The following MEI1 variants were observed in gnomAD, a reference collection of about 807,000 sequenced individuals.
The protein encoded by MEI1 is meiotic double-stranded break formation protein 1.
Under a neutral mutation model 146.2 loss-of-function variants are expected in MEI1, and 103 were observed. The ratio of observed to expected loss-of-function variants is 0.70; its 90% CI spans 0.60 to 0.83. The LOEUF (loss-of-function observed/expected upper bound fraction) is 0.83. Among genes scored for constraint, MEI1 ranks in the 40% least tolerant of loss-of-function variants. The pLI is 0.00. For missense variants in MEI1, 1,529 were observed against 1,533.0 expected, an observed-to-expected ratio of 1.00 and a Z score of 0.04; for synonymous variants, 652 against 628.2, an observed-to-expected ratio of 1.04 and a Z score of -0.57.
chr22:41,733,810 T>C (rs2072077286), intron 11 of MEI1, among the ~76,000 whole-genome samples: 1 of 152,026 alleles, frequency 6.6e-6, no homozygotes, highest in Non-Finnish European at 1.5e-5. Context: ...TTAGGTATTA[T>C]ATGTAATCTA....
chr22:41,705,286 C>T (rs2069004123), intron 2 of MEI1, among the ~76,000 whole-genome samples: 1 of 151,750 alleles, frequency 6.6e-6, no homozygotes, highest in African/African-American at 2.4e-5. Context: ...ATTCTCCTGC[C>T]TCAGCCTCCT....
In MEI1 at chr22:41,703,401, A is replaced by C. The variant is rs766199040; in HGVS notation, c.245A>C (p.Gln82Pro). ...ALVRHTSLVT[Q>P]LVSQDQRVCI... ...GTGAGGCATACCTCCCTGGTCACGCAACTGGTGTCTCAGGATCAGAGAGTC... is the reference window on the plus strand; with the variant it reads ...GTGAGGCATACCTCCCTGGTCACGCCACTGGTGTCTCAGGATCAGAGAGTC... Residue 82 changes from glutamine (Q) to proline (P), a missense_variant, in exon 2 of 31, where the codon CAA becomes CCA. Gln to Pro is a moderately conservative substitution (Grantham distance 76, BLOSUM62 -1). Coordinates refer to ENST00000401548, the MANE Select transcript of MEI1 (RefSeq NM_152513.4). The C allele has an allele frequency of 8.7e-6, 14 of 1,609,968 alleles. No homozygotes were observed. Among genetic ancestry groups the C allele is most frequent in the Non-Finnish European group, 1.2e-5 (14 of 1,178,086 alleles).
At chr22:41,751,905 A>G (rs2073779561) in intron 15 of MEI1, among the ~76,000 whole-genome samples, 2 of 151,636 alleles carry the variant, frequency 1.3e-5, no homozygotes, top group South Asian at 4.2e-4. Context: ...CCCCATCTCT[A>G]CTAAAAATAC....
chr22:41,798,662 TTC>T (rs1172200067), intron 30 of MEI1, among the ~76,000 whole-genome samples: 1 of 149,038 alleles, frequency 6.7e-6, no homozygotes, highest in Non-Finnish European at 1.5e-5. Context: ...AGGTCAGGAG[TTC>T]TGAGACGAGC....
In MEI1 at chr22:41,795,545, G is replaced by A. The variant is rs2076330286; in HGVS notation, c.3666+3G>A. 6.2e-7 allele frequency: 1 copy of A among 1,613,800 alleles called. No individual in the cohort carries two copies. The highest frequency in any genetic ancestry group is 2.2e-5 in the East Asian group (1 of 44,844). On this transcript the variant is annotated splice_donor_region_variant and intron_variant, in intron 29 of 30. Coordinates refer to ENST00000401548, the MANE Select transcript of MEI1 (RefSeq NM_152513.4). The surrounding 1 kb of genome is among the most constrained non-coding windows in gnomAD (Gnocchi z 4.2). ...CCCTGCATGGCTTCTTCCAGCAGGT[G>A]GGTGGGAAGGGGAGGCCATGCAGCC...
At chr22:41,737,727 C>T (rs1036071044) in intron 11 of MEI1, among the ~76,000 whole-genome samples, 2 of 152,116 alleles carry the variant, frequency 1.3e-5, no homozygotes, top group African/African-American at 2.4e-5. Context: ...TTTTGTACCC[C>T]GCCTCCCCCC....
chr22:41,708,199 GA>G (rs1231681696), intron 3 of MEI1, among the ~76,000 whole-genome samples: 1 of 151,830 alleles, frequency 6.6e-6, no homozygotes, highest in African/African-American at 2.4e-5. Flanking sequence ...AAACAATAAG[GA>G]AAAAAGGAGA....
intron 30 of MEI1, among the ~76,000 whole-genome samples, chr22:41,798,115 CAACACACACACA>C (rs2076426673): frequency 9.0e-6 from 1 of 111,270 alleles, no homozygotes; most frequent in African/African-American, 3.7e-5. Context: ...ATCCTCAGCC[CAACACACACACA>C]CACACACACA....
chr22:41,729,933 G>A (rs7288081), intron 8 of MEI1, among the ~76,000 whole-genome samples, 154 bp downstream of exon 8: 2,476 of 152,240 alleles, frequency 0.016, 50 homozygotes, highest in Admixed American at 0.059. Flanking sequence ...ATTTGTTACC[G>A]ATTTTTGTCA....
chr22:41,787,481 G>T (rs2076033030), intron 26 of MEI1, among the ~76,000 whole-genome samples: 1 of 152,154 alleles, frequency 6.6e-6, no homozygotes, highest in South Asian at 2.1e-4. Context: ...AACTGTGTTT[G>T]CATTATGGAC....
chr22:41,750,619 T>C (rs1199626405), intron 15 of MEI1, among the ~76,000 whole-genome samples: 2 of 152,278 alleles, frequency 1.3e-5, no homozygotes, highest in South Asian at 2.1e-4. Context: ...GGATTTTTTC[T>C]ACCCCCTAAG....
chr22:41,753,978 A>G lies in MEI1; in HGVS notation c.1883A>G (p.Asn628Ser), dbSNP rs776750911. The G allele has an allele frequency of 1.1e-5, 17 of 1,613,546 alleles. No homozygotes were observed. In the Middle Eastern group the frequency reaches 4.9e-4, roughly 47 times the overall value. ...SHSALNQVCS[N>S]FLYYMCLNLL... ...TCAGCCCTAAACCAGGTGTGTTCCA[A>G]TTTCCTCTACTATATGTGCCTCAAC... The change falls in exon 17 of 31, where the codon AAT (asparagine) becomes AGT (serine). Residue 628 changes from asparagine to serine, a missense_variant. By Grantham distance (46) the Asn-to-Ser change is conservative. This residue lies in a region of MEI1 where 1,212 missense variants were observed against 1,178.9 expected (regional missense o/e 1.03). Coordinates refer to ENST00000401548, the MANE Select transcript of MEI1 (RefSeq NM_152513.4).
intron 22 of MEI1, among the ~76,000 whole-genome samples, chr22:41,780,684 G>A (rs539307019): frequency 3.3e-5 from 5 of 150,912 alleles, no homozygotes; most frequent in South Asian, 2.1e-4. Flanking sequence ...GGGCTCAGGC[G>A]ATCCTTCCAC....
chr22:41,736,214 TTTCTC>T (rs2072348319), intron 11 of MEI1, among the ~76,000 whole-genome samples: 2 of 151,828 alleles, frequency 1.3e-5, no homozygotes, highest in Admixed American at 6.6e-5. Context: ...CCCTCTGCCT[TTTCTC>T]TTTCTTTTCT....
chr22:41,706,451 A>G (rs767145830), intron 3 of MEI1, among the ~76,000 whole-genome samples: 1 of 152,204 alleles, frequency 6.6e-6, no homozygotes, highest in Non-Finnish European at 1.5e-5. Flanking sequence ...ACAGGCAAAT[A>G]ACTAGATTTG....
chr22:41,768,262 G>A (rs186605235), intron 19 of MEI1, among the ~76,000 whole-genome samples: 1 of 151,976 alleles, frequency 6.6e-6, no homozygotes, highest in African/African-American at 2.4e-5. Flanking sequence ...TGCGCCTGTA[G>A]TCCCAGCTAC....
At position 41,795,655 on chromosome 22, in the gene MEI1, T is replaced by C; in HGVS notation, c.3667-80T>C. On this transcript the variant is annotated intron_variant, in intron 29 of 30. Coordinates refer to ENST00000401548, the MANE Select transcript of MEI1 (RefSeq NM_152513.4). This position sits in a 1 kb window ranked among gnomAD's most constrained non-coding sequence, Gnocchi z 4.2. ...CAACCAAGGAATGGGAGGAGGGAAG[T>C]ACAGAGGATGGAGGCAGTTAGGGCC... 2.5e-6 allele frequency: 4 copies of C among 1,589,550 alleles called. No homozygotes were observed. Among genetic ancestry groups the C allele is most frequent in the Admixed American group, 3.4e-5 (2 of 58,056 alleles).
chr22:41,717,982 A>T, intron 5 of MEI1, 89 bp from the exon 6 acceptor site: 1 of 1,113,144 alleles, frequency 9.0e-7, no homozygotes, highest in Non-Finnish European at 1.3e-6. Context: ...ACTTACCATT[A>T]CTACCCCGTT....
At chr22:41,734,447 G>A (rs553929237) in intron 11 of MEI1, among the ~76,000 whole-genome samples, 2 of 152,050 alleles carry the variant, frequency 1.3e-5, no homozygotes, top group Admixed American at 6.5e-5. Flanking sequence ...ACAAAAATTA[G>A]TTGGGCATGA....
Sources: allele counts gnomAD v4.1 joint callset (sites outside exome capture counted in the v4.1 genomes callset), GRCh38; gene constraint gnomAD v4.1.1; regional missense constraint gnomAD v4.1.1; non-coding constraint Gnocchi (gnomAD v3.1); transcripts MANE v1.5; gene names NCBI Gene and HGNC (gene_info 2026-07-23, HGNC 2026-07-21).